MYH16: variants seen among roughly 807,000 people sequenced by gnomAD.
MYH16 encodes the protein myosin heavy chain 16.
intron 1 of MYH16, among the ~76,000 whole-genome samples, chr7:99,242,622 A>G (rs1388496672): frequency 6.6e-6 from 1 of 152,212 alleles, no homozygotes; most frequent in Admixed American, 6.5e-5. Context: ...TGGGCAACAG[A>G]GCAAGATTAT....
At chr7:99,251,534 C>T (rs533238945) in intron 6 of MYH16, among the ~76,000 whole-genome samples, 11 of 152,216 alleles carry the variant, frequency 7.2e-5, no homozygotes, top group South Asian at 2.1e-4. Context: ...TTCAATTGTG[C>T]GAAAACATTC....
chr7:99,303,119 TC>T (rs1792627377), exon 39 of MYH16: 1 of 152,660 alleles, frequency 6.6e-6, no homozygotes, highest in Admixed American at 6.5e-5. Flanking sequence ...CCAGCGCATC[TC>T]CAACGAGCAT....
intron 1 of MYH16, among the ~76,000 whole-genome samples, chr7:99,240,755 G>A (rs1295942894): frequency 6.6e-6 from 1 of 151,628 alleles, no homozygotes; most frequent in Non-Finnish European, 1.5e-5. Context: ...CAGGAGAATC[G>A]CTTGAGCCCA....
chr7:99,276,612 A>C (rs1014718267), intron 20 of MYH16, among the ~76,000 whole-genome samples: 6 of 152,352 alleles, frequency 3.9e-5, no homozygotes, highest in Non-Finnish European at 5.9e-5. Flanking sequence ...TCCCGGCTGA[A>C]TGGCAAAGAA....
intron 28 of MYH16, chr7:99,286,599 G>A (rs1792281406): frequency 6.6e-6 from 1 of 152,368 alleles, no homozygotes; most frequent in African/African-American, 2.4e-5. Flanking sequence ...ACTGTGAGCA[G>A]TGGGATCAAG....
chr7:99,300,128 T>G (rs1792569965), intron 37 of MYH16, among the ~76,000 whole-genome samples: 1 of 151,586 alleles, frequency 6.6e-6, no homozygotes, highest in Non-Finnish European at 1.5e-5. Flanking sequence ...CCCAGCTAAT[T>G]TTTGTATTTT....
intron 37 of MYH16, among the ~76,000 whole-genome samples, chr7:99,299,977 T>C (rs921056676): frequency 1.3e-5 from 2 of 150,932 alleles, no homozygotes; most frequent in Admixed American, 1.3e-4. Flanking sequence ...ATTTATTTAT[T>C]TGATGGAGTT....
exon 32 of MYH16, chr7:99,292,415 G>A (rs565994253): frequency 3.5e-5 from 16 of 457,948 alleles, no homozygotes; most frequent in Admixed American, 1.4e-4. Context: ...GAGCTGCAGC[G>A]CCTCGTGTCC....
At chr7:99,290,486 C>CAAAAAA (rs57166125) in intron 30 of MYH16, among the ~76,000 whole-genome samples, 3 of 55,552 alleles carry the variant, frequency 5.4e-5, no homozygotes, top group Non-Finnish European at 7.7e-5. Context: ...GACCCTGTCT[C>CAAAAAA]AAAAAAAAAA....
intron 12 of MYH16, chr7:99,260,890 T>C (rs182641976): frequency 6.6e-6 from 1 of 152,374 alleles, no homozygotes; most frequent in East Asian, 1.9e-4. Flanking sequence ...CTGGCCAACA[T>C]GGTGAAACCT....
intron 1 of MYH16, among the ~76,000 whole-genome samples, chr7:99,240,221 G>T (rs1466082317): frequency 6.6e-6 from 1 of 152,022 alleles, no homozygotes; most frequent in African/African-American, 2.4e-5. Flanking sequence ...GGGCACTTTA[G>T]GTGACCTGTG....
At chr7:99,251,952 A>C (rs1055621332) in intron 6 of MYH16, among the ~76,000 whole-genome samples, 1 of 152,202 alleles carries the variant, frequency 6.6e-6, no homozygotes, top group Admixed American at 6.5e-5. Context: ...CAGCCTGGGC[A>C]ACAGAGTAAG....
At chr7:99,289,001 C>T (rs1416037713) in intron 29 of MYH16, among the ~76,000 whole-genome samples, 1 of 152,018 alleles carries the variant, frequency 6.6e-6, no homozygotes, top group Non-Finnish European at 1.5e-5. Flanking sequence ...GTGGTCCCAG[C>T]TACTCAGGAG....
intron 31 of MYH16, 99 bp from the exon 13 acceptor site, chr7:99,292,213 G>A (rs1379072737): frequency 1.4e-5 from 5 of 359,956 alleles, no homozygotes; most frequent in Middle Eastern, 9.5e-4. Context: ...TCCCCCTTTC[G>A]CCTGCCATCA....
chr7:99,310,210 G>A (rs1792741472), downstream of MYH16, among the ~76,000 whole-genome samples: 1 of 152,202 alleles, frequency 6.6e-6, no homozygotes, highest in South Asian at 2.1e-4. Flanking sequence ...GCACAGGCTG[G>A]CTGGAGTAGA....
At chr7:99,302,500 G>A (rs1792614885) in intron 38 of MYH16, among the ~76,000 whole-genome samples, 3 of 151,860 alleles carry the variant, frequency 2.0e-5, no homozygotes, top group East Asian at 1.9e-4. Context: ...CCCAGAGGTC[G>A]AGGATGCAGT....
chr7:99,300,743 T>G (rs1408650646), intron 37 of MYH16, among the ~76,000 whole-genome samples: 1 of 151,988 alleles, frequency 6.6e-6, no homozygotes, highest in Non-Finnish European at 1.5e-5. Flanking sequence ...GAGTTGGAGA[T>G]TGCAGTGAGC....
At chr7:99,291,338 T>G in exon 31 of MYH16, 1 of 456,118 alleles carries the variant, frequency 2.2e-6, no homozygotes. Flanking sequence ...AATAGTGAAC[T>G]GAGCAGGGAA....
chr7:99,266,952 A>G (rs1791993804), exon 18 of MYH16: 1 of 152,658 alleles, frequency 6.6e-6, no homozygotes, highest in Non-Finnish European at 1.5e-5. Flanking sequence ...GATGTGAATG[A>G]ATACAAAATT....
Sources: gnomAD v4.1 joint callset for allele counts (sites outside exome capture counted in the v4.1 genomes callset) on GRCh38, gnomAD v4.1.1 for gene constraint, MANE v1.5 for transcripts, NCBI Gene and HGNC (gene_info 2026-07-23, HGNC 2026-07-21) for gene names.